Variants in RASGRP1 observed in about 807,000 individuals in gnomAD.
RASGRP1 encodes the protein RAS guanyl releasing protein 1.
A neutral mutation model predicts 95.1 loss-of-function variants in RASGRP1; 37 were observed. The ratio of observed to expected loss-of-function variants is 0.39; its 90% CI spans 0.30 to 0.51. The LOEUF (loss-of-function observed/expected upper bound fraction) is 0.51. Among genes scored for constraint, RASGRP1 ranks in the 20% least tolerant of loss-of-function variants. The pLI is 0.80. For synonymous variants in RASGRP1, 325 were observed against 353.4 expected (o/e 0.92, Z 0.90); for missense variants, 711 against 965.4 (o/e 0.74, Z 3.49).
At chr15:38,558,955 A>G (rs1380781451) in intron 2 of RASGRP1, among the ~76,000 whole-genome samples, 1 of 152,044 alleles carries the variant, frequency 6.6e-6, no homozygotes, top group African/African-American at 2.4e-5. Context: ...GGGGGTTGGT[A>G]TGTCTGAGCT....
At chr15:38,545,954 A>T (rs531005100) in intron 2 of RASGRP1, among the ~76,000 whole-genome samples, 1 of 152,302 alleles carries the variant, frequency 6.6e-6, no homozygotes, top group South Asian at 2.1e-4. Flanking sequence ...TCATGGGAAA[A>T]TTTAAATTAT....
intron 2 of RASGRP1, among the ~76,000 whole-genome samples, chr15:38,558,374 T>A (rs1283152916): frequency 2.0e-5 from 3 of 152,184 alleles, no homozygotes; most frequent in African/African-American, 7.2e-5. Context: ...ATGATTAAAG[T>A]GTGAAATAAG....
intron 2 of RASGRP1, chr15:38,534,189 A>G (rs938070255): frequency 2.0e-5 from 3 of 152,276 alleles, no homozygotes. Context: ...CCTCTGCAGG[A>G]GACAAGGACT....
rs575379354 is a variant in RASGRP1 at position 38,489,093 on chromosome 15, T to C, written c.*1461A>G. On this transcript the variant is annotated 3_prime_UTR_variant, in exon 17 of 17. Transcript: ENST00000310803. The stretch of plus-strand genomic sequence containing the variant: ...ATACTGTATGTATACTTTGTATTCT[T>C]ATGAAGACTTGGTGCTATTGGCTTT... 3 of 152,122 alleles carry C rather than the reference T, an allele frequency of 2.0e-5. No homozygotes were observed. The highest frequency in any genetic ancestry group is 3.9e-4 in the East Asian group (2 of 5,188). The allele number at this position is 152,122 out of a possible 1,614,324, so 9.4% of individuals were successfully genotyped here.
In RASGRP1 at chr15:38,559,813, C is replaced by G. The variant is rs377739561; in HGVS notation, c.220+8G>C. The stretch of plus-strand genomic sequence containing the variant: ...ATTTTTATGCCTGTGGGCAGTTAGC[C>G]AACTTACCAAAAGATTGAATGCAGC... On this transcript the variant is annotated splice_region_variant and intron_variant, in intron 2 of 16. Transcript: ENST00000310803. 2 of 1,612,016 alleles carry G rather than the reference C, an allele frequency of 1.2e-6. No homozygotes were observed. The highest frequency in any genetic ancestry group is 1.7e-6 in the Non-Finnish European group (2 of 1,178,328).
chr15:38,536,505 G>A (rs183471253), intron 2 of RASGRP1, among the ~76,000 whole-genome samples: 3 of 152,288 alleles, frequency 2.0e-5, no homozygotes, highest in South Asian at 2.1e-4. Context: ...CAATAGGCAC[G>A]AAGAAGCAAC....
chr15:38,547,308 T>A (rs1197925483), intron 2 of RASGRP1, among the ~76,000 whole-genome samples: 1 of 152,180 alleles, frequency 6.6e-6, no homozygotes, highest in Admixed American at 6.5e-5. Context: ...GAGAGGTTTC[T>A]GGAAGCCCTT....
intron 8 of RASGRP1, among the ~76,000 whole-genome samples, chr15:38,510,017 C>A (rs1372219212): frequency 6.6e-6 from 1 of 152,136 alleles, no homozygotes; most frequent in Non-Finnish European, 1.5e-5. Context: ...TGCAGGTGAG[C>A]CCTAGGCATG....
intron 11 of RASGRP1, chr15:38,502,993 C>T (rs1891099699): frequency 6.3e-6 from 3 of 473,878 alleles, no homozygotes; most frequent in Admixed American, 7.3e-5. Flanking sequence ...TACTCAAATG[C>T]ATCCCAATAC....
chr15:38,490,700 G>A lies in RASGRP1; in HGVS notation c.2260-12C>T, dbSNP rs371964239. 2.5e-5 allele frequency: 40 copies of A among 1,601,982 alleles called. No homozygotes were observed. The highest frequency in any genetic ancestry group is 3.3e-5 in the Non-Finnish European group (39 of 1,173,514). On this transcript the variant is annotated splice_polypyrimidine_tract_variant and intron_variant, in intron 16 of 16. Coordinates refer to ENST00000310803, the MANE Select transcript of RASGRP1 (RefSeq NM_005739.4). ...AGAGTATTTATTTCCTAAAGGGAAAGGAGAATGAGGTATGTTAATAAAGCA... is the reference window on the plus strand; with the variant it reads ...AGAGTATTTATTTCCTAAAGGGAAAAGAGAATGAGGTATGTTAATAAAGCA...
chr15:38,563,599 T>C (rs986383773), intron 1 of RASGRP1, among the ~76,000 whole-genome samples: 13 of 152,218 alleles, frequency 8.5e-5, no homozygotes, highest in Admixed American at 4.6e-4. Flanking sequence ...TGACTTCTAG[T>C]ATGGATTCCT....
intron 3 of RASGRP1, among the ~76,000 whole-genome samples, chr15:38,522,931 C>T (rs1285277022): frequency 4.6e-5 from 7 of 152,036 alleles, no homozygotes; most frequent in Non-Finnish European, 8.8e-5. Flanking sequence ...TACCATGAGA[C>T]GGGGTAGGCG....
chr15:38,514,301 T>G (rs539737942), intron 6 of RASGRP1, among the ~76,000 whole-genome samples: 5 of 152,282 alleles, frequency 3.3e-5, no homozygotes, highest in Middle Eastern at 3.4e-3. Context: ...TTAAGAGAGA[T>G]ATATAAAGCA....
At chr15:38,530,077 A>AC (rs1390967066) in intron 2 of RASGRP1, among the ~76,000 whole-genome samples, 1 of 152,160 alleles carries the variant, frequency 6.6e-6, no homozygotes, top group Non-Finnish European at 1.5e-5. Context: ...ATAACCAACC[A>AC]CCCCAAAACT....
At chr15:38,562,933 T>C (rs780075546) in intron 1 of RASGRP1, among the ~76,000 whole-genome samples, 1 of 152,062 alleles carries the variant, frequency 6.6e-6, no homozygotes, top group Non-Finnish European at 1.5e-5. Flanking sequence ...GGGTAAAGTA[T>C]AGGGTAGTAA....
Position 38,502,403 on chromosome 15 carries a change from C to T in RASGRP1, c.1447G>A (p.Asp483Asn), listed in dbSNP as rs749002764. ...RMVDSVFKNY[D>N]HDQDGYISQE... is the part of the protein sequence containing the mutation. ...GAAATGTATCCATCCTGGTCGTGAT[C>T]ATAGTTCTTGAAGACAGACTGTGAA... The change falls in exon 12 of 17, where the codon GAT becomes AAT. Residue 483 changes from aspartate to asparagine, a missense_variant. Transcript: ENST00000310803. The T allele has an allele frequency of 1.3e-6, 2 of 1,598,706 alleles. No homozygotes were observed. Among genetic ancestry groups the T allele is most frequent in the African/African-American group, 1.3e-5 (1 of 74,746 alleles).
rs1045163521 is a variant in RASGRP1 at position 38,494,477 on chromosome 15, G to A, written c.2164C>T (p.Arg722Trp). The A allele has an allele frequency of 3.7e-6, 6 of 1,609,878 alleles. No individual in the cohort carries two copies. Among genetic ancestry groups the A allele is most frequent in the African/African-American group, 1.3e-5 (1 of 74,852 alleles). ...PCPSPVLVRKRAFVKWENKDS... is the reference protein window; with the variant it reads ...PCPSPVLVRKWAFVKWENKDS... ...TTATTCTCCCACTTGACAAAAGCCC[G>A]CTTTCTGACCAAGACTGGGCTAGGA... Residue 722 changes from arginine (R) to tryptophan (W), a missense_variant, in exon 16 of 17, where the codon CGG becomes TGG. Physicochemically the swap from Arg to Trp is moderately radical, Grantham distance 101. Transcript: ENST00000310803.
intron 3 of RASGRP1, among the ~76,000 whole-genome samples, chr15:38,522,654 A>C (rs1312184235): frequency 6.6e-6 from 1 of 152,206 alleles, no homozygotes; most frequent in African/African-American, 2.4e-5. Flanking sequence ...GTCTTGAAAG[A>C]GCTTCTAAAC....
chr15:38,529,233 A>C (rs1010819162), intron 2 of RASGRP1, among the ~76,000 whole-genome samples: 3 of 152,144 alleles, frequency 2.0e-5, no homozygotes, highest in Admixed American at 2.0e-4. Flanking sequence ...AAAACCTATA[A>C]ATCAAGTCAT....
Sources: allele counts gnomAD v4.1 joint callset (sites outside exome capture counted in the v4.1 genomes callset), GRCh38; gene constraint gnomAD v4.1.1; transcripts MANE v1.5; gene names NCBI Gene and HGNC (gene_info 2026-07-23, HGNC 2026-07-21).